Variants in VAV3 observed in about 807,000 individuals in gnomAD.
VAV3 encodes the protein vav guanine nucleotide exchange factor 3.
A neutral mutation model predicts 131.2 loss-of-function variants in VAV3; 94 were observed. That is an observed-to-expected ratio of 0.72 (90% confidence interval 0.61 to 0.85). VAV3 has a LOEUF of 0.85. Among genes scored for constraint, VAV3 ranks in the 40% least tolerant of loss-of-function variants. The pLI, the probability that VAV3 is intolerant of heterozygous loss-of-function variation, is 0.00. For missense variants in VAV3, 939 were observed against 1,002.7 expected (o/e 0.94, Z 0.86); for synonymous variants, 349 against 342.0 (o/e 1.02, Z -0.22).
At chr1:107,916,865 G>A (rs929570537) in intron 1 of VAV3, among the ~76,000 whole-genome samples, 3 of 152,128 alleles carry the variant, frequency 2.0e-5, no homozygotes, top group African/African-American at 7.2e-5. Flanking sequence ...TGGACAGCAA[G>A]AATCAGGGGC....
intron 20 of VAV3, among the ~76,000 whole-genome samples, chr1:107,625,352 C>T (rs34400060): frequency 0.11 from 16,809 of 151,770 alleles, 1,101 homozygotes; most frequent in South Asian, 0.23. Flanking sequence ...CTGCAACCTC[C>T]GCCTCCCGGG....
At chr1:107,861,157 C>T (rs1377757747) in intron 2 of VAV3, among the ~76,000 whole-genome samples, 3 of 151,428 alleles carry the variant, frequency 2.0e-5, no homozygotes, top group Non-Finnish European at 4.4e-5. Flanking sequence ...GAATCCAAAA[C>T]AGTATAGAAA....
At chr1:107,716,861 C>A (rs1382485622) in intron 15 of VAV3, among the ~76,000 whole-genome samples, 3 of 152,168 alleles carry the variant, frequency 2.0e-5, no homozygotes, top group African/African-American at 7.2e-5. Context: ...GTGAATCCGT[C>A]TGGTCCTGGA....
At chr1:107,740,256 T>C (rs1662931115) in intron 15 of VAV3, among the ~76,000 whole-genome samples, 2 of 149,938 alleles carry the variant, frequency 1.3e-5, no homozygotes, top group Non-Finnish European at 3.0e-5. Context: ...CACTGTACTC[T>C]AGGCTGGGCG....
At chr1:107,694,137 C>T (rs144646423) in intron 17 of VAV3, among the ~76,000 whole-genome samples, 2 of 152,164 alleles carry the variant, frequency 1.3e-5, no homozygotes. Context: ...TTAGTTACCA[C>T]AGAACAGCCT....
At chr1:107,704,421 T>A (rs1435520930) in intron 17 of VAV3, 129 bp downstream of exon 17, 4 of 651,342 alleles carry the variant, frequency 6.1e-6, no homozygotes, top group Non-Finnish European at 1.0e-5. Flanking sequence ...TAATTGTGCT[T>A]ATAAATAATA....
intron 2 of VAV3, among the ~76,000 whole-genome samples, chr1:107,817,169 G>A (rs1207484580): frequency 6.6e-6 from 1 of 152,158 alleles, no homozygotes; most frequent in Non-Finnish European, 1.5e-5. Flanking sequence ...TATGATAGTA[G>A]GCAGACAAAA....
At position 107,749,323 on chromosome 1, in the gene VAV3, A is replaced by C. The variant is rs1663556359; in HGVS notation, c.1392+139T>G. ...GTGGCATTATCCAGTTATTTCTCAC[A>C]AAGTTATGTACCTAATCAATCTCTA... is the stretch of plus-strand genomic sequence containing the variant. On this transcript the variant is annotated intron_variant, in intron 14 of 26. Transcript: ENST00000370056. The C allele has an allele frequency of 3.9e-6, 4 of 1,022,520 alleles. No homozygotes were observed. In the East Asian group the frequency reaches 8.0e-5, roughly 20 times the overall value. The allele number at this position is 1,022,520 out of a possible 1,614,324, so 63.3% of individuals were successfully genotyped here. A position where few individuals can be genotyped will look rare whatever the true frequency, so the allele number is the denominator to read the frequency against.
At chr1:107,952,114 T>C (rs1217615961) in intron 1 of VAV3, among the ~76,000 whole-genome samples, 1 of 152,150 alleles carries the variant, frequency 6.6e-6, no homozygotes, top group Non-Finnish European at 1.5e-5. Context: ...ATGTGGTACA[T>C]ATACACTGTG....
chr1:107,615,826 T>C (rs900285037), intron 21 of VAV3, among the ~76,000 whole-genome samples: 4 of 151,840 alleles, frequency 2.6e-5, no homozygotes, highest in African/African-American at 7.3e-5. Context: ...ATACATATAA[T>C]TGGCCAAAAA....
chr1:107,772,891 T>C (rs1396090756), intron 4 of VAV3, 48 bp from the exon 5 acceptor site: 2 of 1,488,940 alleles, frequency 1.3e-6, no homozygotes, highest in Admixed American at 3.6e-5. Context: ...ATGCAGTAAA[T>C]GCAATAGCTA....
intron 21 of VAV3, among the ~76,000 whole-genome samples, chr1:107,613,886 T>G (rs1472268989): frequency 6.6e-6 from 1 of 152,170 alleles, no homozygotes; most frequent in Non-Finnish European, 1.5e-5. Context: ...AGACGGAGTC[T>G]CGCTCTGTCA....
At chr1:107,735,586 C>T (rs898235166) in intron 15 of VAV3, among the ~76,000 whole-genome samples, 4 of 151,882 alleles carry the variant, frequency 2.6e-5, no homozygotes, top group African/African-American at 7.3e-5. Context: ...CACCTCTACG[C>T]AAATAAACTA....
Position 107,755,040 on chromosome 1 carries a change from C to T in VAV3, c.1173+387G>A, listed in dbSNP as rs1019557024. ...AGACCATCTTGTTCACAGTTACAGT[C>T]CCAGCCCCAAGCAAAGTGTCTGGGT... On this transcript the variant is annotated intron_variant, in intron 12 of 26. Transcript: ENST00000370056. Among the ~76,000 whole-genome samples, 4 of 151,880 alleles carry T rather than the reference C, an allele frequency of 2.6e-5. No individual in the cohort carries two copies. The South Asian group carries it at 8.3e-4, about 32-fold the overall frequency.
At chr1:107,904,560 C>T (rs1000249645) in intron 1 of VAV3, among the ~76,000 whole-genome samples, 2 of 152,158 alleles carry the variant, frequency 1.3e-5, no homozygotes, top group Non-Finnish European at 2.9e-5. Flanking sequence ...TTTTCTCCTG[C>T]ATTTATTTCT....
At chr1:107,754,255 A>T (rs944331307) in intron 12 of VAV3, among the ~76,000 whole-genome samples, 9 of 152,200 alleles carry the variant, frequency 5.9e-5, no homozygotes, top group African/African-American at 2.2e-4. Context: ...AAAGAGAGTA[A>T]ATTGAGAAAT....
intron 1 of VAV3, among the ~76,000 whole-genome samples, chr1:107,953,435 T>C (rs1674650116): frequency 6.6e-6 from 1 of 152,216 alleles, no homozygotes; most frequent in Admixed American, 6.5e-5. Flanking sequence ...ATAAGTAAAG[T>C]AACTTTCCCA....
chr1:107,694,250 T>C (rs1365439348), intron 17 of VAV3, among the ~76,000 whole-genome samples: 2 of 152,132 alleles, frequency 1.3e-5, no homozygotes, highest in Non-Finnish European at 2.9e-5. Context: ...GGCAAAGAGT[T>C]TGGACAGAAA....
intron 18 of VAV3, among the ~76,000 whole-genome samples, chr1:107,687,307 T>C (rs897504202): frequency 6.6e-6 from 1 of 152,162 alleles, no homozygotes; most frequent in Non-Finnish European, 1.5e-5. Flanking sequence ...TATGTACTTA[T>C]GCAAAAAGTA....
Sources: gnomAD v4.1 joint callset for allele counts (sites outside exome capture counted in the v4.1 genomes callset) on GRCh38, gnomAD v4.1.1 for gene constraint, MANE v1.5 for transcripts, NCBI Gene and HGNC (gene_info 2026-07-23, HGNC 2026-07-21) for gene names.